Variants in GDF5 observed in about 807,000 individuals in gnomAD.
GDF5 encodes the protein growth/differentiation factor 5.
A neutral mutation model predicts 34.6 loss-of-function variants in GDF5; 17 were observed. The ratio of observed to expected loss-of-function variants is 0.49; its 90% confidence interval spans 0.34 to 0.74. GDF5 has a LOEUF of 0.74. Ranked by LOEUF, GDF5 falls within the 30% of genes least tolerant of loss-of-function variation. The probability of loss-of-function intolerance (pLI) is 0.01; values close to 1 mark genes in which losing one functional copy is unlikely to be tolerated. For missense variants in GDF5, 616 were observed against 661.2 expected (o/e 0.93, Z 0.75); for synonymous variants, 332 against 290.7 (o/e 1.14, Z -1.44).
chr20:35,434,934 T>A, intron 1 of GDF5, 151 bp from the exon 2 acceptor site: 1 of 830,342 alleles, frequency 1.2e-6, no homozygotes, highest in Non-Finnish European at 2.1e-6. Context: ...GCCAAACCAC[T>A]GAGAGCCTTT....
chr20:35,451,042 GAAAAAAAAAAAAAAAA>G (rs1157980088), intron 1 of GDF5, among the ~76,000 whole-genome samples: 2 of 16,516 alleles, frequency 1.2e-4, no homozygotes, highest in Non-Finnish European at 4.8e-4. Flanking sequence ...TAGACTAACA[GAAAAAAAAAAAAAAAA>G]AAAAAAATAT....
chr20:35,445,768 G>A (rs1221066900), intron 1 of GDF5, among the ~76,000 whole-genome samples: 1 of 151,856 alleles, frequency 6.6e-6, no homozygotes, highest in African/African-American at 2.4e-5. Flanking sequence ...TTGTGAGTTC[G>A]AGACCAGCCT....
At chr20:35,439,347 C>G (rs1335318040), upstream of GDF5, among the ~76,000 whole-genome samples, 4 of 151,882 alleles carry the variant, frequency 2.6e-5, no homozygotes, top group East Asian at 1.9e-4. Context: ...CCTGCCTCAG[C>G]CTCCCCAGTA....
upstream of GDF5, among the ~76,000 whole-genome samples, chr20:35,442,134 T>A (rs539098297): frequency 6.6e-6 from 1 of 152,076 alleles, no homozygotes; most frequent in African/African-American, 2.4e-5. Context: ...AATCACCACA[T>A]GTGGCCGAAA....
At chr20:35,450,383 T>C (rs144352842) in intron 1 of GDF5, among the ~76,000 whole-genome samples, 7 of 152,136 alleles carry the variant, frequency 4.6e-5, no homozygotes, top group Non-Finnish European at 8.8e-5. Context: ...TACCTTGCAG[T>C]GAGAAAGAAA....
upstream of GDF5, among the ~76,000 whole-genome samples, chr20:35,442,567 C>G (rs1206174209): frequency 8.7e-6 from 1 of 114,836 alleles, no homozygotes; most frequent in Non-Finnish European, 1.7e-5. Context: ...GAGACAGAGT[C>G]TTGCTCTGTC....
intron 1 of GDF5, among the ~76,000 whole-genome samples, chr20:35,444,557 C>T (rs1312355438): frequency 6.6e-6 from 1 of 151,978 alleles, no homozygotes; most frequent in African/African-American, 2.4e-5. Context: ...CTTGTATGGC[C>T]TTATAAGCCC....
upstream of GDF5, among the ~76,000 whole-genome samples, chr20:35,442,552 T>TC (rs2062501390): frequency 6.7e-6 from 1 of 149,484 alleles, no homozygotes; most frequent in Non-Finnish European, 1.5e-5. Context: ...TTTTTTTTTT[T>TC]TTTTGAGACA....
intron 1 of GDF5, among the ~76,000 whole-genome samples, chr20:35,448,086 A>G (rs1458446635): frequency 1.3e-5 from 2 of 152,188 alleles, no homozygotes; most frequent in East Asian, 3.8e-4. Flanking sequence ...TAAAAGAGAA[A>G]GTTCCCCTCT....
At chr20:35,453,750 G>T (rs933171615) in intron 1 of GDF5, among the ~76,000 whole-genome samples, 1 of 152,152 alleles carries the variant, frequency 6.6e-6, no homozygotes, top group African/African-American at 2.4e-5. Flanking sequence ...TAGCTTTTAA[G>T]CGTTCCTTTC....
At chr20:35,442,537 C>CTT (rs57668486), upstream of GDF5, among the ~76,000 whole-genome samples, 2,477 of 118,880 alleles carry the variant, frequency 0.021, 114 homozygotes, top group African/African-American at 0.036. Context: ...TGATACCCGT[C>CTT]TTTTTTTTTT....
chr20:35,447,594 ATATTTT>A lies in GDF5; in HGVS notation c.-397-6213_-397-6208del, dbSNP rs1257305015. ...ATGTTTTACATATTTATTCTAGAAA[ATATTTT>A]TATTTTTAAAATAATTCTAAAACTT... On this transcript the variant is annotated intron_variant, in intron 1 of 3. Transcript: ENST00000374372. Among the ~76,000 whole-genome samples the A allele has an allele frequency of 4.6e-5, 7 of 152,330 alleles. No individual in the cohort carries two copies. The South Asian group carries it at 1.4e-3, about 32-fold the overall frequency.
Position 35,438,211 on chromosome 20 carries a change from C to T in GDF5, c.-283G>A. ...CTTGAAAGGAGAAAGCCGACCGCCC[C>T]CTTTCTCCTGCACAACTGACTGAGG... On this transcript the variant is annotated 5_prime_UTR_variant, in exon 1 of 2. Transcript: ENST00000374369. 1 of 498,678 alleles carries T rather than the reference C, an allele frequency of 2.0e-6. No individual in the cohort carries two copies. The highest frequency in any genetic ancestry group is 2.2e-5 in the South Asian group (1 of 46,194). 30.9% of individuals were successfully genotyped at this position (498,678 alleles called of 1,614,324 possible). A position where few individuals can be genotyped will look rare whatever the true frequency, so the allele number is the denominator to read the frequency against.
At chr20:35,435,199 C>A in intron 1 of GDF5, 1 of 402,814 alleles carries the variant, frequency 2.5e-6, no homozygotes, top group East Asian at 4.6e-5. Context: ...ACCTGCAATC[C>A]CAGCACTTTG....
chr20:35,444,589 TTTTC>T (rs1241680171), intron 1 of GDF5, among the ~76,000 whole-genome samples: 1 of 152,082 alleles, frequency 6.6e-6, no homozygotes, highest in Non-Finnish European at 1.5e-5. Flanking sequence ...CTGGATTTTC[TTTTC>T]TTTTTCTTTT....
chr20:35,438,357 T>TGCACACAC, upstream of GDF5: 1 of 89,232 alleles, frequency 1.1e-5, no homozygotes, highest in Non-Finnish European at 2.1e-5. Flanking sequence ...GTGAAAATAC[T>TGCACACAC]TCACACACAC....
Position 35,438,035 on chromosome 20 carries a change from G to A in GDF5, c.-107C>T. 7.8e-7 allele frequency: 1 copy of A among 1,286,076 alleles called. No individual in the cohort carries two copies. Among genetic ancestry groups the A allele is most frequent in the Non-Finnish European group, 1.1e-6 (1 of 904,682 alleles). 79.7% of individuals were successfully genotyped at this position (1,286,076 alleles called of 1,614,324 possible). A position where few individuals can be genotyped will look rare whatever the true frequency, so the allele number is the denominator to read the frequency against. ...AAGGAGTGGACTTTCAAAAGCAGCG[G>A]CAGCAGCAGTAGCAGCAGAAGGAAA... On this transcript the variant is annotated 5_prime_UTR_variant, in exon 1 of 2. Transcript: ENST00000374369.
intron 1 of GDF5, 71 bp downstream of exon 1, chr20:35,437,227 C>T (rs2062475878): frequency 8.8e-7 from 1 of 1,136,294 alleles, no homozygotes; most frequent in African/African-American, 1.5e-5. Flanking sequence ...AGTGCCAGGG[C>T]TTTGAAAGCC....
chr20:35,440,607 C>T (rs2146586037), upstream of GDF5, among the ~76,000 whole-genome samples: 1 of 152,334 alleles, frequency 6.6e-6, no homozygotes, highest in South Asian at 2.1e-4. Flanking sequence ...CACACTCCCC[C>T]TGAGCTGCCA....
Sources: gnomAD v4.1 joint callset for allele counts (sites outside exome capture counted in the v4.1 genomes callset) on GRCh38, gnomAD v4.1.1 for gene constraint, MANE v1.5 for transcripts, NCBI Gene and HGNC (gene_info 2026-07-23, HGNC 2026-07-21) for gene names.